The following FHIT variants were observed in gnomAD, a reference collection of about 807,000 sequenced individuals.
FHIT encodes bis(5'-adenosyl)-triphosphatase.
FHIT carries 19 observed loss-of-function variants against 17.9 expected under a neutral mutation model. The observed-to-expected ratio is 1.06, with a 90% confidence interval of 0.74 to 1.56. FHIT has a LOEUF of 1.56. FHIT is among the 40% of genes most tolerant of loss of function. The pLI is 0.00. For missense variants in FHIT, 248 were observed against 189.2 expected, an observed-to-expected ratio of 1.31 and a Z score of -1.82; for synonymous variants, 81 against 69.7, an observed-to-expected ratio of 1.16 and a Z score of -0.81.
intron 5 of FHIT, among the ~76,000 whole-genome samples, chr3:60,281,384 A>C (rs1425054435): frequency 6.6e-6 from 1 of 152,154 alleles, no homozygotes; most frequent in Non-Finnish European, 1.5e-5. Context: ...TAGCCAATAA[A>C]ATATTGAAGA....
chr3:60,275,422 A>G (rs1427881337), intron 5 of FHIT, among the ~76,000 whole-genome samples: 1 of 152,198 alleles, frequency 6.6e-6, no homozygotes, highest in African/African-American at 2.4e-5. Flanking sequence ...CCAGAACTCC[A>G]TAAATGTGCT....
intron 4 of FHIT, among the ~76,000 whole-genome samples, chr3:60,615,346 C>A (rs1374840936): frequency 6.6e-6 from 1 of 152,126 alleles, no homozygotes; most frequent in South Asian, 2.1e-4. Flanking sequence ...TCAGACATAC[C>A]AGCTATGATC....
intron 5 of FHIT, among the ~76,000 whole-genome samples, chr3:60,194,200 T>C (rs1702521557): frequency 6.6e-6 from 1 of 152,014 alleles, no homozygotes; most frequent in Non-Finnish European, 1.5e-5. Context: ...TACAAAGCAA[T>C]AGTAACCAAG....
chr3:59,881,229 C>T (rs1407801961), intron 8 of FHIT, among the ~76,000 whole-genome samples: 7 of 152,156 alleles, frequency 4.6e-5, no homozygotes, highest in Non-Finnish European at 1.0e-4. Context: ...CTATAGATAC[C>T]TGCTTCTAGA....
intron 4 of FHIT, among the ~76,000 whole-genome samples, chr3:60,727,872 C>T (rs1038513250): frequency 7.9e-5 from 12 of 152,072 alleles, no homozygotes; most frequent in Admixed American, 3.9e-4. Context: ...GGCATGGTGG[C>T]GGGTGCCTGC....
intron 5 of FHIT, among the ~76,000 whole-genome samples, chr3:60,159,844 T>C (rs1395462341): frequency 6.6e-6 from 1 of 152,094 alleles, no homozygotes; most frequent in Non-Finnish European, 1.5e-5. Context: ...AACATGCTCA[T>C]AACCATGAGG....
chr3:60,243,729 G>A (rs796262583), intron 5 of FHIT, among the ~76,000 whole-genome samples: 43 of 152,212 alleles, frequency 2.8e-4, no homozygotes, highest in African/African-American at 9.6e-4. Flanking sequence ...TAATCTGTAC[G>A]ACAGTGGCAG....
At chr3:60,442,342 C>G (rs577569461) in intron 5 of FHIT, among the ~76,000 whole-genome samples, 23 of 151,932 alleles carry the variant, frequency 1.5e-4, no homozygotes, top group African/African-American at 5.3e-4. Flanking sequence ...AAGAAAAACT[C>G]CCCCCATGCC....
At chr3:60,474,801 T>A (rs2033264127) in intron 5 of FHIT, among the ~76,000 whole-genome samples, 1 of 152,072 alleles carries the variant, frequency 6.6e-6, no homozygotes, top group Admixed American at 6.5e-5. Context: ...TTTTGTATTT[T>A]TAGTAGAGAC....
chr3:60,402,228 C>T (rs767426049), intron 5 of FHIT, among the ~76,000 whole-genome samples: 3 of 152,174 alleles, frequency 2.0e-5, no homozygotes, highest in South Asian at 2.1e-4. Flanking sequence ...GCTTGTCACT[C>T]ACAGTTTTTC....
chr3:60,141,937 G>C (rs1019446777), intron 5 of FHIT, among the ~76,000 whole-genome samples: 1 of 152,142 alleles, frequency 6.6e-6, no homozygotes, highest in Non-Finnish European at 1.5e-5. Context: ...GGAACGCCAA[G>C]TGTCAGAGTT....
At chr3:60,459,371 A>G (rs9834447) in intron 5 of FHIT, among the ~76,000 whole-genome samples, 6,887 of 152,306 alleles carry the variant, frequency 0.045, 514 homozygotes, top group African/African-American at 0.15. Context: ...TCAAAGATCA[A>G]TTAACTAAAA....
At chr3:60,720,081 C>T (rs550070102) in intron 4 of FHIT, among the ~76,000 whole-genome samples, 36 of 152,284 alleles carry the variant, frequency 2.4e-4, no homozygotes, top group Non-Finnish European at 4.4e-4. Context: ...GGGGTCGCTT[C>T]CCACCTCTAT....
intron 8 of FHIT, among the ~76,000 whole-genome samples, chr3:59,753,693 C>CT (rs1701046117): frequency 6.6e-6 from 1 of 152,078 alleles, no homozygotes; most frequent in African/African-American, 2.4e-5. Flanking sequence ...CACATTATTT[C>CT]TTTGATATAC....
At chr3:60,994,272 T>G (rs892631323) in intron 3 of FHIT, among the ~76,000 whole-genome samples, 2 of 152,212 alleles carry the variant, frequency 1.3e-5, no homozygotes, top group Non-Finnish European at 2.9e-5. Context: ...TAAGATTCTC[T>G]CCTTGTGGAA....
intron 5 of FHIT, among the ~76,000 whole-genome samples, chr3:60,200,337 T>G (rs1576297717): frequency 6.6e-6 from 1 of 152,102 alleles, no homozygotes; most frequent in African/African-American, 2.4e-5. Flanking sequence ...CTAAATGAAT[T>G]CTACGAATTC....
chr3:60,879,815 G>C (rs1553757486), intron 3 of FHIT, among the ~76,000 whole-genome samples: 1 of 150,894 alleles, frequency 6.6e-6, no homozygotes, highest in African/African-American at 2.4e-5. Context: ...CCTAAAAATA[G>C]GTTATTTAAA....
intron 8 of FHIT, among the ~76,000 whole-genome samples, chr3:59,783,648 G>C (rs1559601921): frequency 6.6e-6 from 1 of 152,120 alleles, no homozygotes. Context: ...AGTTGAGAGA[G>C]GTGGTCCTGT....
In FHIT at chr3:61,147,467, A is replaced by G. The variant is rs192010551; in HGVS notation, c.-164+53150T>C. ...TCACTATAAGGTGAGTCAGAGTGCCAAGGTTCTTCTGCAAGGAATCTTGGG... is the reference window on the plus strand; with the variant it reads ...TCACTATAAGGTGAGTCAGAGTGCCGAGGTTCTTCTGCAAGGAATCTTGGG... On this transcript the variant is annotated intron_variant, in intron 2 of 9. Coordinates refer to ENST00000492590, the MANE Select transcript of FHIT (RefSeq NM_002012.4). Among the ~76,000 whole-genome samples, 153 of 152,102 alleles carry G rather than the reference A, an allele frequency of 1.0e-3. 1 individual carries two copies. The highest frequency in any genetic ancestry group is 3.6e-3 in the African/African-American group (148 of 41,528).
Sources: gnomAD v4.1 joint callset for allele counts (sites outside exome capture counted in the v4.1 genomes callset) on GRCh38, gnomAD v4.1.1 for gene constraint, MANE v1.5 for transcripts, NCBI Gene and HGNC (gene_info 2026-07-23, HGNC 2026-07-21) for gene names.